The following MAN2A1 variants were observed in gnomAD, a reference collection of about 807,000 sequenced individuals.
MAN2A1 encodes the protein alpha-mannosidase 2.
A neutral mutation model predicts 142.6 loss-of-function variants in MAN2A1; 76 were observed. The ratio of observed to expected loss-of-function variants is 0.53; its 90% CI spans 0.44 to 0.65. MAN2A1 has a LOEUF of 0.65. Among genes scored for constraint, MAN2A1 ranks in the 30% least tolerant of loss-of-function variants. The pLI is 0.00. For synonymous variants in MAN2A1, 559 were observed against 473.2 expected, an observed-to-expected ratio of 1.18 and a Z score of -2.35; for missense variants, 1,311 against 1,365.1, an observed-to-expected ratio of 0.96 and a Z score of 0.62.
At chr5:109,725,348 C>T (rs1021481819) in intron 3 of MAN2A1, among the ~76,000 whole-genome samples, 2 of 152,164 alleles carry the variant, frequency 1.3e-5, no homozygotes, top group Non-Finnish European at 2.9e-5. Context: ...CCAGGCCTGG[C>T]CCTGTCCCAA....
At chr5:109,834,188 CA>C (rs1246028200) in intron 16 of MAN2A1, among the ~76,000 whole-genome samples, 1 of 152,126 alleles carries the variant, frequency 6.6e-6, no homozygotes, top group African/African-American at 2.4e-5. Context: ...CACAGATGTG[CA>C]GATCAAATAT....
chr5:109,788,675 G>GTA (rs1753660473), intron 10 of MAN2A1, among the ~76,000 whole-genome samples: 1 of 151,796 alleles, frequency 6.6e-6, no homozygotes, highest in South Asian at 2.1e-4. Flanking sequence ...TTCATAGAAA[G>GTA]TATACATAGT....
intron 16 of MAN2A1, among the ~76,000 whole-genome samples, chr5:109,826,652 G>A (rs1005224555): frequency 2.0e-5 from 3 of 152,114 alleles, no homozygotes; most frequent in Non-Finnish European, 2.9e-5. Flanking sequence ...TGAACACTCG[G>A]GTTGTCTCAA....
intron 5 of MAN2A1, among the ~76,000 whole-genome samples, chr5:109,765,139 T>C (rs1300401127): frequency 6.6e-6 from 1 of 152,170 alleles, no homozygotes; most frequent in Non-Finnish European, 1.5e-5. Context: ...ATTATTTCAA[T>C]AATGTCTTTT....
At chr5:109,807,788 A>G (rs116222879) in intron 12 of MAN2A1, among the ~76,000 whole-genome samples, 2,046 of 152,264 alleles carry the variant, frequency 0.013, 35 homozygotes, top group African/African-American at 0.047. Flanking sequence ...TCTTGGGGTC[A>G]TTATGCTCCC....
chr5:109,866,358 C>T (rs951667634), intron 21 of MAN2A1, among the ~76,000 whole-genome samples: 3 of 152,078 alleles, frequency 2.0e-5, no homozygotes, highest in Non-Finnish European at 1.5e-5. Flanking sequence ...AATGATCCCT[C>T]CTTGTAGTGA....
intron 11 of MAN2A1, 109 bp from the exon 12 acceptor site, chr5:109,789,351 T>A (rs1561513052): frequency 1.6e-6 from 1 of 635,986 alleles, no homozygotes; most frequent in Non-Finnish European, 2.6e-6. Flanking sequence ...TAACTTTTTA[T>A]AAGTCCTTAA....
At chr5:109,842,147 C>A (rs763619033) in intron 16 of MAN2A1, among the ~76,000 whole-genome samples, 181 bp from the exon 17 acceptor site, 10 of 152,088 alleles carry the variant, frequency 6.6e-5, no homozygotes, top group Non-Finnish European at 1.2e-4. Flanking sequence ...TGCTATCTAC[C>A]TTCTGATAGT....
intron 4 of MAN2A1, among the ~76,000 whole-genome samples, chr5:109,736,548 G>A (rs1752104990): frequency 6.6e-6 from 1 of 151,992 alleles, no homozygotes; most frequent in Admixed American, 6.6e-5. Context: ...GTCTTTAGGT[G>A]TTACCTTACT....
chr5:109,780,510 C>CTGTGTGTGTGTGTGTG (rs113661582), intron 8 of MAN2A1, among the ~76,000 whole-genome samples: 10 of 143,774 alleles, frequency 7.0e-5, no homozygotes, highest in African/African-American at 2.1e-4. Flanking sequence ...CTTGCAATAT[C>CTGTGTGTGTGTGTGTG]TGTGTGTGTG....
chr5:109,832,849 G>T (rs1754955104), intron 16 of MAN2A1, among the ~76,000 whole-genome samples: 1 of 144,508 alleles, frequency 6.9e-6, no homozygotes, highest in South Asian at 2.1e-4. Context: ...CGGCTGCCGG[G>T]CGGAGGGGCT....
chr5:109,714,518 G>A (rs1366620410), intron 2 of MAN2A1, among the ~76,000 whole-genome samples: 1 of 152,018 alleles, frequency 6.6e-6, no homozygotes, highest in African/African-American at 2.4e-5. Flanking sequence ...ATTATAGAGG[G>A]CAATGGAGTC....
rs1753107246 is a variant in MAN2A1 at position 109,770,240 on chromosome 5, T to C, written c.1010-115T>C. On this transcript the variant is annotated intron_variant, in intron 6 of 21. Transcript: ENST00000261483. ...ATGTACTGGAAGTTAAAGGGGCTGC[T>C]GATTTAGCACAGAGCTAAATCAGCA... The C allele has an allele frequency of 3.2e-6, 3 of 933,838 alleles. No individual in the cohort carries two copies. The East Asian group carries it at 7.3e-5, about 23-fold the overall frequency. 57.8% of individuals were successfully genotyped at this position (933,838 alleles called of 1,614,324 possible). A position where few individuals can be genotyped will look rare whatever the true frequency, so the allele number is the denominator to read the frequency against.
rs998189203 is a variant in MAN2A1 at position 109,770,253 on chromosome 5, A to G, written c.1010-102A>G. 7.8e-5 allele frequency: 82 copies of G among 1,051,920 alleles called. 1 individual carries two copies. Among genetic ancestry groups the G allele is most frequent in the Non-Finnish European group, 1.1e-4 (75 of 712,026 alleles). 65.2% of individuals were successfully genotyped at this position (1,051,920 alleles called of 1,614,324 possible). A position where few individuals can be genotyped will look rare whatever the true frequency, so the allele number is the denominator to read the frequency against. The stretch of plus-strand genomic sequence containing the variant: ...TAAAGGGGCTGCTGATTTAGCACAG[A>G]GCTAAATCAGCATTACTTTGTGTAA... On this transcript the variant is annotated intron_variant, in intron 6 of 21. Coordinates refer to ENST00000261483, the MANE Select transcript of MAN2A1 (RefSeq NM_002372.4).
At chr5:109,829,716 G>A (rs1393835025) in intron 16 of MAN2A1, among the ~76,000 whole-genome samples, 2 of 152,300 alleles carry the variant, frequency 1.3e-5, no homozygotes, top group East Asian at 3.9e-4. Context: ...GCTCTTGTCT[G>A]CAGCTGATCT....
intron 1 of MAN2A1, among the ~76,000 whole-genome samples, chr5:109,707,188 C>T (rs369435825): frequency 6.1e-4 from 93 of 152,280 alleles, no homozygotes; most frequent in African/African-American, 2.1e-3. Context: ...TCCCAAACAG[C>T]CCATGAAAAC....
At chr5:109,761,260 C>A (rs1026547662) in intron 5 of MAN2A1, among the ~76,000 whole-genome samples, 1 of 151,450 alleles carries the variant, frequency 6.6e-6, no homozygotes, top group African/African-American at 2.4e-5. Context: ...TAGATAACAT[C>A]TCTTATAGTA....
At chr5:109,762,213 G>A (rs1446610934) in intron 5 of MAN2A1, among the ~76,000 whole-genome samples, 1 of 151,916 alleles carries the variant, frequency 6.6e-6, no homozygotes, top group African/African-American at 2.4e-5. Flanking sequence ...TACAACTTTT[G>A]TATCTATCTT....
chr5:109,855,120 T>G lies in MAN2A1; in HGVS notation c.2977-20T>G. On this transcript the variant is annotated intron_variant, in intron 19 of 21. Transcript: ENST00000261483. ...ACTGGAAATATAGACCTCTTAAACA[T>G]TTTTGTTTTTTCTTGATAGGAAGAA... 1.4e-6 allele frequency: 2 copies of G among 1,454,444 alleles called. No individual in the cohort carries two copies. Among genetic ancestry groups the G allele is most frequent in the Non-Finnish European group, 1.8e-6 (2 of 1,090,710 alleles). The allele number at this position is 1,454,444 out of a possible 1,614,324, so 90.1% of individuals were successfully genotyped here.
Sources: gnomAD v4.1 joint callset for allele counts (sites outside exome capture counted in the v4.1 genomes callset) on GRCh38, gnomAD v4.1.1 for gene constraint, MANE v1.5 for transcripts, NCBI Gene and HGNC (gene_info 2026-07-23, HGNC 2026-07-21) for gene names.